Variants in ECE1 observed in about 807,000 individuals in gnomAD.
ECE1 encodes endothelin converting enzyme 1, also known as endothelin-converting enzyme 1.
A neutral mutation model predicts 98.6 loss-of-function variants in ECE1; 35 were observed. The observed-to-expected ratio is 0.35, with a 90% CI of 0.27 to 0.47. The LOEUF is 0.47. Among genes scored for constraint, ECE1 ranks in the 20% least tolerant of loss-of-function variants. The pLI is 1.00. For missense variants in ECE1, 814 were observed against 1,025.3 expected (o/e 0.79, Z 2.81); for synonymous variants, 394 against 407.1 (o/e 0.97, Z 0.39).
chr1:21,334,157 AAGTCCTGCCT>A (rs1206943855), intron 1 of ECE1, among the ~76,000 whole-genome samples: 27 of 152,174 alleles, frequency 1.8e-4, no homozygotes, highest in Non-Finnish European at 2.6e-4. Context: ...ATCAGGGTCT[AAGTCCTGCCT>A]CTAACCTGCT....
At chr1:21,289,194 T>C (rs1025812897) in intron 2 of ECE1, among the ~76,000 whole-genome samples, 2 of 152,128 alleles carry the variant, frequency 1.3e-5, no homozygotes, top group African/African-American at 4.8e-5. Context: ...GCAGAAGTCC[T>C]CCGAGAATTG....
chr1:21,303,341 T>C (rs1395618861), intron 1 of ECE1, among the ~76,000 whole-genome samples: 1 of 152,218 alleles, frequency 6.6e-6, no homozygotes, highest in Non-Finnish European at 1.5e-5. Flanking sequence ...ACACAGATTG[T>C]GGAGAAACAG....
chr1:21,249,748 C>T (rs1428403905), intron 8 of ECE1, among the ~76,000 whole-genome samples: 4 of 152,072 alleles, frequency 2.6e-5, no homozygotes, highest in Non-Finnish European at 5.9e-5. Flanking sequence ...ATCACCACCA[C>T]TATCCAGCCA....
chr1:21,235,740 T>C lies in ECE1; in HGVS notation c.1566+110A>G. The C allele has an allele frequency of 9.0e-7, 1 of 1,110,668 alleles. No homozygotes were observed. 68.8% of individuals were successfully genotyped at this position (1,110,668 alleles called of 1,614,324 possible). The stretch of plus-strand genomic sequence containing the variant: ...AGCCCCACACCACATCATCCCTGTG[T>C]GTTTTGACAACCATGCTGCCTCTAG... On this transcript the variant is annotated intron_variant, in intron 13 of 18. Coordinates refer to ENST00000374893, the MANE Select transcript of ECE1 (RefSeq NM_001397.3). The surrounding 1 kb of genome is among the most constrained non-coding windows in gnomAD (Gnocchi z 4.2).
At chr1:21,221,375 T>C (rs143102341) in intron 18 of ECE1, among the ~76,000 whole-genome samples, 58 of 152,298 alleles carry the variant, frequency 3.8e-4, no homozygotes, top group African/African-American at 1.3e-3. Flanking sequence ...TTTCACTATG[T>C]GGACTAGGCT....
intron 1 of ECE1, among the ~76,000 whole-genome samples, chr1:21,320,345 A>G (rs2103401289): frequency 6.6e-6 from 1 of 152,330 alleles, no homozygotes; most frequent in South Asian, 2.1e-4. Context: ...GCTACGATCA[A>G]ATGGGATAAT....
At chr1:21,229,720 A>T (rs187544911) in intron 14 of ECE1, among the ~76,000 whole-genome samples, 1 of 152,230 alleles carries the variant, frequency 6.6e-6, no homozygotes, top group East Asian at 1.9e-4. Context: ...TTTTTTTGCT[A>T]TTGTATATTG....
At chr1:21,247,129 T>C in intron 9 of ECE1, 92 bp downstream of exon 9, 25 of 1,583,264 alleles carry the variant, frequency 1.6e-5, no homozygotes, top group Non-Finnish European at 2.2e-5. Context: ...CCCACTCTCC[T>C]GAGTCAGACT....
chr1:21,343,326 G>A (rs951343271), intron 1 of ECE1, among the ~76,000 whole-genome samples: 2 of 152,186 alleles, frequency 1.3e-5, no homozygotes, highest in South Asian at 4.1e-4. Context: ...AATGACAGAC[G>A]AAAGTATCAC....
rs185680525 is a variant in ECE1 at position 21,253,119 on chromosome 1, T to C, written c.1020+2828A>G. Reference sequence around the variant, plus strand: ...TCACCCAAGCTGGAGTGCAGTGGTGTGATCTTGGCTCAATGCAACCTCCGC... The same window carrying C: ...TCACCCAAGCTGGAGTGCAGTGGTGCGATCTTGGCTCAATGCAACCTCCGC... On this transcript the variant is annotated intron_variant, in intron 8 of 18. Transcript: ENST00000374893. Among the ~76,000 whole-genome samples, 3 of 152,174 alleles carry C rather than the reference T, an allele frequency of 2.0e-5. No individual in the cohort carries two copies. In the East Asian group the frequency reaches 5.8e-4, roughly 30 times the overall value.
chr1:21,256,025 C>T lies in ECE1; in HGVS notation c.942G>A (p.Leu314=), dbSNP rs2098219482. Residue 314 remains leucine (L), a synonymous_variant, in exon 8 of 19, where the codon CTG becomes CTA. Coordinates refer to ENST00000374893, the MANE Select transcript of ECE1 (RefSeq NM_001397.3). ...MQQILDFETA[L]ANITIPQEKR... is the part of the protein sequence containing the mutation. ...TCTCCTGTGGGATGGTGATGTTGGC[C>T]AGTGCCGTCTCAAAGTCCAAGATCT... The T allele has an allele frequency of 6.2e-7, 1 of 1,613,906 alleles. No homozygotes were observed. Among genetic ancestry groups the T allele is most frequent in the Non-Finnish European group, 8.5e-7 (1 of 1,179,744 alleles).
chr1:21,279,651 A>G, intron 2 of ECE1: 4 of 1,417,504 alleles, frequency 2.8e-6, no homozygotes, highest in Non-Finnish European at 2.8e-6. Context: ...GAGTTCAAAA[A>G]AGAACAGGAT....
chr1:21,290,583 G>A, upstream of ECE1: 2 of 1,196,646 alleles, frequency 1.7e-6, no homozygotes, highest in Non-Finnish European at 2.1e-6. This position sits in a 1 kb window ranked among gnomAD's most constrained non-coding sequence, Gnocchi z 7.3. Context: ...GGGGGAGATG[G>A]GGACCCCTCC....
chr1:21,339,458 T>C lies in ECE1; in HGVS notation c.3+5918A>G, dbSNP rs1639361496. ...CTAGAGGAATCGGGGAGCCACTGTC[T>C]AGCTCCCGTCCCTAATTCCCTAAGT... On this transcript the variant is annotated intron_variant, in intron 1 of 18. Transcript: ENST00000415912. Among the ~76,000 whole-genome samples, 5 of 152,164 alleles carry C rather than the reference T, an allele frequency of 3.3e-5. No individual in the cohort carries two copies. In the South Asian group the frequency reaches 1.0e-3, roughly 32 times the overall value.
rs536124343 is a variant in ECE1, at chr1:21,220,656, G to C, written c.2137-525C>G. 3.3e-5 allele frequency among the ~76,000 whole-genome samples: 5 copies of C among 152,158 alleles called. No homozygotes were observed. The highest frequency in any genetic ancestry group is 2.0e-4 in the Admixed American group (3 of 15,264). ...TACTAAAAATACAAAAATTAGATGG[G>C]CGTGGTGGTGCGTGCCTATATCCCA... On this transcript the variant is annotated intron_variant, in intron 18 of 18. Coordinates refer to ENST00000374893, the MANE Select transcript of ECE1 (RefSeq NM_001397.3). The surrounding 1 kb of genome is among the most constrained non-coding windows in gnomAD (Gnocchi z 5.0).
intron 1 of ECE1, among the ~76,000 whole-genome samples, chr1:21,311,928 A>G (rs1045652792): frequency 1.3e-5 from 2 of 152,086 alleles, no homozygotes; most frequent in African/African-American, 4.8e-5. Context: ...GTTCAAGACC[A>G]GCCTGGCCAA....
rs1333098542 is a variant in ECE1 at position 21,233,884 on chromosome 1, G to A, written c.1567-223C>T. On this transcript the variant is annotated intron_variant, in intron 13 of 18. Coordinates refer to ENST00000374893, the MANE Select transcript of ECE1 (RefSeq NM_001397.3). This position sits in a 1 kb window ranked among gnomAD's most constrained non-coding sequence, Gnocchi z 4.0. Reference sequence around the variant, plus strand: ...GTGCCTACAGCAGTGCCTGGGCCCAGGCAAGAAATATCTCCCATGTTGTCC... The same window carrying A: ...GTGCCTACAGCAGTGCCTGGGCCCAAGCAAGAAATATCTCCCATGTTGTCC... 6.6e-6 allele frequency among the ~76,000 whole-genome samples: 1 copy of A among 152,152 alleles called. No homozygotes were observed. The highest frequency in any genetic ancestry group is 1.5e-5 in the Non-Finnish European group (1 of 68,028).
chr1:21,266,054 C>T (rs986445667), intron 4 of ECE1: 1 of 152,158 alleles, frequency 6.6e-6, no homozygotes, highest in Non-Finnish European at 1.5e-5. Context: ...GCCGCTTCTT[C>T]CTCTGGGAGT....
In ECE1 at chr1:21,218,148, G is replaced by T. The variant is rs2098163055; in HGVS notation, c.*1807C>A. Reference sequence around the variant, plus strand: ...TCTCAGGGAGGAGACAGACACCACAGGCCAGACTGGGTGGAGGAATCTTCC... The same window carrying T: ...TCTCAGGGAGGAGACAGACACCACATGCCAGACTGGGTGGAGGAATCTTCC... On this transcript the variant is annotated 3_prime_UTR_variant, in exon 19 of 19. Transcript: ENST00000374893. The surrounding 1 kb of genome is among the most constrained non-coding windows in gnomAD (Gnocchi z 4.0). 1 of 152,354 alleles carries T rather than the reference G, an allele frequency of 6.6e-6. No homozygotes were observed. The highest frequency in any genetic ancestry group is 1.5e-5 in the Non-Finnish European group (1 of 68,152). 9.4% of individuals were successfully genotyped at this position (152,354 alleles called of 1,614,324 possible). A position where few individuals can be genotyped will look rare whatever the true frequency, so the allele number is the denominator to read the frequency against.
Sources: gnomAD v4.1 joint callset for allele counts (sites outside exome capture counted in the v4.1 genomes callset) on GRCh38, gnomAD v4.1.1 for gene constraint, Gnocchi (gnomAD v3.1) non-coding constraint, MANE v1.5 for transcripts, NCBI Gene and HGNC (gene_info 2026-07-23, HGNC 2026-07-21) for gene names.